The following SGCD variants were observed in gnomAD, a reference collection of about 807,000 sequenced individuals.
SGCD encodes sarcoglycan delta, also known as delta-sarcoglycan.
In SGCD, 18 loss-of-function variants were observed where a neutral mutation model predicts 36.6. The observed-to-expected ratio is 0.49, with a 90% CI of 0.34 to 0.73. The LOEUF (loss-of-function observed/expected upper bound fraction) is 0.73. Among genes scored for constraint, SGCD ranks in the 30% least tolerant of loss-of-function variants. The probability of loss-of-function intolerance (pLI) is 0.01; values close to 1 mark genes in which losing one functional copy is unlikely to be tolerated. For missense variants in SGCD, 387 were observed against 346.7 expected, an observed-to-expected ratio of 1.12 and a Z score of -0.92; for synonymous variants, 133 against 130.6, an observed-to-expected ratio of 1.02 and a Z score of -0.12.
At chr5:156,327,385 T>C (rs1052459578) in intron 1 of SGCD, among the ~76,000 whole-genome samples, 153 bp downstream of exon 1, 55 of 152,268 alleles carry the variant, frequency 3.6e-4, no homozygotes, top group African/African-American at 1.3e-3. Flanking sequence ...ACAGTTGGCA[T>C]GGGGCTCCAA....
chr5:156,442,973 T>C (rs1354508820), intron 3 of SGCD, among the ~76,000 whole-genome samples: 1 of 152,134 alleles, frequency 6.6e-6, no homozygotes, highest in African/African-American at 2.4e-5. Flanking sequence ...ATGTATATAT[T>C]AATGCATGTA....
intron 6 of SGCD, among the ~76,000 whole-genome samples, chr5:156,622,172 C>A (rs1218001990): frequency 6.6e-6 from 1 of 152,140 alleles, no homozygotes; most frequent in Non-Finnish European, 1.5e-5. Flanking sequence ...GTGGCTCACA[C>A]CTGTAATCCC....
At chr5:156,733,085 GC>G (rs1338200617) in intron 7 of SGCD, among the ~76,000 whole-genome samples, 1 of 151,446 alleles carries the variant, frequency 6.6e-6, no homozygotes, top group Non-Finnish European at 1.5e-5. Flanking sequence ...CTCTGATCTT[GC>G]TTTGAGATTT....
intron 3 of SGCD, among the ~76,000 whole-genome samples, chr5:156,278,733 C>A (rs534051812): frequency 6.6e-6 from 1 of 152,118 alleles, no homozygotes; most frequent in Admixed American, 6.5e-5. Flanking sequence ...CTGCAGGATG[C>A]GCTATATAAC....
the SGCD span, among the ~76,000 whole-genome samples, chr5:155,738,621 TGA>T: frequency 1.3e-5 from 2 of 151,956 alleles, no homozygotes; most frequent in African/African-American, 4.8e-5. Flanking sequence ...GGCCTGCCTC[TGA>T]GAGAGAGAGT....
At chr5:156,480,967 C>T (rs962222398) in intron 3 of SGCD, among the ~76,000 whole-genome samples, 9 of 152,232 alleles carry the variant, frequency 5.9e-5, no homozygotes, top group African/African-American at 1.7e-4. Flanking sequence ...AAAGATGATT[C>T]CAGGAGCGAG....
chr5:155,946,947 G>T (rs1757448336), intron 1 of SGCD, among the ~76,000 whole-genome samples: 1 of 152,152 alleles, frequency 6.6e-6, no homozygotes. Context: ...TATGGACAAG[G>T]GTCATAGAAC....
intron 4 of SGCD, among the ~76,000 whole-genome samples, chr5:156,515,256 T>A (rs1757108649): frequency 6.6e-6 from 1 of 152,198 alleles, no homozygotes; most frequent in African/African-American, 2.4e-5. Context: ...TTTCAAGTAC[T>A]TTAAAAATGT....
chr5:156,062,462 T>G lies in SGCD; in HGVS notation c.-281-55416T>G, dbSNP rs1228928282. On this transcript the variant is annotated intron_variant, in intron 1 of 9. Coordinates refer to the SGCD transcript ENST00000517913. ...GGTATATACCCAGTAATGGGATGGC[T>G]GGGTCAAATGGTATTTCTAGTTCTA... Among the ~76,000 whole-genome samples, 56 of 116,846 alleles carry G rather than the reference T, an allele frequency of 4.8e-4. 3 individuals are homozygous for G. Among genetic ancestry groups the G allele is most frequent in the African/African-American group, 2.1e-3 (52 of 25,336 alleles). The allele number at this position is 116,846 out of a possible 152,430, so 76.7% of individuals were successfully genotyped here.
At chr5:155,762,736 C>G in the SGCD span, among the ~76,000 whole-genome samples, 1 of 152,118 alleles carries the variant, frequency 6.6e-6, no homozygotes, top group African/African-American at 2.4e-5. Flanking sequence ...ACATGGTTGC[C>G]CCTCCAGTAG....
At chr5:155,965,417 C>A (rs2113456580) in intron 1 of SGCD, among the ~76,000 whole-genome samples, 1 of 152,218 alleles carries the variant, frequency 6.6e-6, no homozygotes, top group African/African-American at 2.4e-5. Flanking sequence ...TGTTCAGGTC[C>A]TGCCTGCAGC....
intron 1 of SGCD, among the ~76,000 whole-genome samples, chr5:156,085,450 G>A (rs1761069327): frequency 6.6e-6 from 1 of 152,090 alleles, no homozygotes; most frequent in Admixed American, 6.5e-5. Flanking sequence ...CATGTGAAGT[G>A]CCTGCTCCCA....
chr5:156,741,397 TG>T (rs1756665767), intron 7 of SGCD, among the ~76,000 whole-genome samples: 1 of 152,222 alleles, frequency 6.6e-6, no homozygotes, highest in African/African-American at 2.4e-5. Flanking sequence ...TAGGGTTTTT[TG>T]ATTCATGAGA....
At chr5:156,529,637 G>A (rs557213999) in intron 4 of SGCD, among the ~76,000 whole-genome samples, 26 of 152,128 alleles carry the variant, frequency 1.7e-4, no homozygotes, top group South Asian at 1.5e-3. Context: ...ATGTTACGCC[G>A]TTAGTCTTAA....
At chr5:156,233,871 T>G (rs762128730) in intron 3 of SGCD, among the ~76,000 whole-genome samples, 5 of 152,128 alleles carry the variant, frequency 3.3e-5, no homozygotes, top group Non-Finnish European at 4.4e-5. Context: ...GGGAACAGAG[T>G]GAGACCACAT....
intron 1 of SGCD, among the ~76,000 whole-genome samples, chr5:156,032,141 T>TA (rs879755694): frequency 1.2e-3 from 170 of 144,738 alleles, no homozygotes; most frequent in Admixed American, 1.9e-3. Context: ...TAACTTAAAA[T>TA]AAAAAAAAAA....
chr5:155,866,684 G>T (rs907354000), upstream of SGCD, among the ~76,000 whole-genome samples: 3 of 152,102 alleles, frequency 2.0e-5, no homozygotes, highest in Non-Finnish European at 4.4e-5. Context: ...TCCTACACTG[G>T]TTCTTCTTCA....
At chr5:155,854,334 A>T in the SGCD span, among the ~76,000 whole-genome samples, 2 of 152,094 alleles carry the variant, frequency 1.3e-5, no homozygotes, top group Non-Finnish European at 2.9e-5. Context: ...GGGGTTGAGA[A>T]CCACAGCTCT....
chr5:155,986,163 C>A (rs1183684058), intron 1 of SGCD, among the ~76,000 whole-genome samples: 4 of 152,100 alleles, frequency 2.6e-5, no homozygotes, highest in Admixed American at 2.6e-4. Flanking sequence ...TATTTGAAAA[C>A]ATTTTATTGG....
Sources: gnomAD v4.1 joint callset for allele counts (sites outside exome capture counted in the v4.1 genomes callset) on GRCh38, gnomAD v4.1.1 for gene constraint, MANE v1.5 for transcripts, NCBI Gene and HGNC (gene_info 2026-07-23, HGNC 2026-07-21) for gene names.